Variants in POLA1 observed in about 807,000 individuals in gnomAD.
POLA1 encodes the protein DNA polymerase alpha catalytic subunit.
In POLA1, 15 loss-of-function variants were observed where a neutral mutation model predicts 124.0. The ratio of observed to expected loss-of-function variants is 0.12; its 90% CI spans 0.08 to 0.19. The LOEUF (loss-of-function observed/expected upper bound fraction) is 0.19, where lower values mean the gene tolerates loss of function less well. POLA1 is among the 10% of genes least tolerant of loss of function. The pLI is 1.00. For missense variants in POLA1, 886 were observed against 1,103.4 expected (o/e 0.80, Z 2.79); for synonymous variants, 408 against 389.4 (o/e 1.05, Z -0.56).
At chrX:24,965,217 C>T (rs2048208910) in intron 36 of POLA1, among the ~76,000 whole-genome samples, 1 of 111,988 alleles carries the variant, frequency 8.9e-6, no homozygotes, top group Admixed American at 9.5e-5. Flanking sequence ...AAACTAAAAG[C>T]CTACCAGATG....
intron 32 of POLA1, among the ~76,000 whole-genome samples, chrX:24,837,121 C>G (rs746338236): frequency 6.3e-5 from 7 of 111,300 alleles, no homozygotes; most frequent in Non-Finnish European, 9.4e-5. Flanking sequence ...ATTTGGCATG[C>G]TTTTTAAGAG....
intron 36 of POLA1, among the ~76,000 whole-genome samples, chrX:24,951,214 C>T (rs2048035579): frequency 1.1e-5 from 1 of 95,190 alleles, no homozygotes. Context: ...TTGGCTGTCC[C>T]CTTCCTCACT....
intron 36 of POLA1, among the ~76,000 whole-genome samples, chrX:24,959,062 T>G (rs1030614425): frequency 1.8e-5 from 2 of 111,605 alleles, no homozygotes; most frequent in Non-Finnish European, 3.8e-5. Context: ...ACTAGCTGTT[T>G]CTTTTACCCT....
intron 24 of POLA1, among the ~76,000 whole-genome samples, chrX:24,747,649 T>G: frequency 9.0e-6 from 1 of 111,228 alleles, no homozygotes; most frequent in Middle Eastern, 4.6e-3. Context: ...TCTGTCTTAG[T>G]GTTTGTATTT....
intron 35 of POLA1, among the ~76,000 whole-genome samples, chrX:24,925,409 T>C (rs922427673): frequency 1.8e-5 from 2 of 112,057 alleles, no homozygotes; most frequent in Non-Finnish European, 3.8e-5. Context: ...TCTTCATACC[T>C]CAAGGAATTT....
intron 35 of POLA1, among the ~76,000 whole-genome samples, chrX:24,892,269 CG>C (rs2047151248): frequency 9.0e-6 from 1 of 110,586 alleles, no homozygotes; most frequent in Non-Finnish European, 1.9e-5. Flanking sequence ...CATTTAAATA[CG>C]AGAGTGAAAA....
At chrX:24,995,181 G>C (rs2048588687) in intron 36 of POLA1, among the ~76,000 whole-genome samples, 1 of 112,001 alleles carries the variant, frequency 8.9e-6, no homozygotes, top group African/African-American at 3.2e-5. Flanking sequence ...GGGATGAATG[G>C]GTTAAAGGAG....
In POLA1 at chrX:24,937,034, A is replaced by G. The variant is rs977908149; in HGVS notation, c.4261+6485A>G. The stretch of plus-strand genomic sequence containing the variant: ...AACTGTAAACTGCATTTTTAATTTC[A>G]TTTTCTTACAAATAAAAAAATGATC... On this transcript the variant is annotated intron_variant, in intron 36 of 36. Coordinates refer to ENST00000379068, the MANE Select transcript of POLA1 (RefSeq NM_001330360.2). 9.8e-5 allele frequency among the ~76,000 whole-genome samples: 11 copies of G among 111,780 alleles called. No homozygotes were observed. In the Admixed American group the frequency reaches 1.0e-3, roughly 11 times the overall value.
intron 34 of POLA1, among the ~76,000 whole-genome samples, chrX:24,880,983 A>T (rs1045370885): frequency 8.9e-6 from 1 of 112,013 alleles, no homozygotes; most frequent in African/African-American, 3.2e-5. Context: ...AATTTAAACT[A>T]AATCGTACGT....
chrX:24,892,394 C>T (rs189548412), intron 35 of POLA1, among the ~76,000 whole-genome samples: 4 of 111,351 alleles, frequency 3.6e-5, no homozygotes. Context: ...TACACGTACC[C>T]TCTGAATCTA....
chrX:24,814,898 C>G, intron 29 of POLA1, 81 bp from the exon 30 acceptor site: 5,517 of 671,970 alleles, frequency 8.2e-3, no homozygotes, highest in Non-Finnish European at 0.01. Flanking sequence ...TGGCATTTCT[C>G]TTCCTTCTTC....
rs192170393 is a variant in POLA1 at position 24,748,268 on chromosome X, C to T, written c.2692-43C>T. On this transcript the variant is annotated intron_variant, in intron 24 of 36. Transcript: ENST00000379068. ...AAAATATTACTGTAGAAATTTATTTCGCAAAAGTTTGATTTGTGTGAAATT... is the reference window on the plus strand; with the variant it reads ...AAAATATTACTGTAGAAATTTATTTTGCAAAAGTTTGATTTGTGTGAAATT... 27 of 1,060,418 alleles carry T rather than the reference C, an allele frequency of 2.5e-5. No individual in the cohort carries two copies. The Admixed American group carries it at 4.7e-4, about 19-fold the overall frequency. 87.4% of individuals were successfully genotyped at this position (1,060,418 alleles called of 1,213,427 possible). A position where few individuals can be genotyped will look rare whatever the true frequency, so the allele number is the denominator to read the frequency against.
intron 1 of POLA1, among the ~76,000 whole-genome samples, chrX:24,697,864 T>C (rs975993141): frequency 7.2e-5 from 8 of 111,445 alleles, no homozygotes; most frequent in African/African-American, 2.6e-4. Context: ...CCTAAACTCG[T>C]AGTTGACAGG....
At chrX:24,968,543 CA>C (rs892455419) in intron 36 of POLA1, among the ~76,000 whole-genome samples, 1 of 109,372 alleles carries the variant, frequency 9.1e-6, no homozygotes, top group Non-Finnish European at 1.9e-5. Flanking sequence ...ACTAAAAATA[CA>C]AAAAATTAGC....
intron 36 of POLA1, among the ~76,000 whole-genome samples, chrX:24,955,969 C>T (rs1333055846): frequency 8.9e-6 from 1 of 111,966 alleles, no homozygotes; most frequent in East Asian, 2.8e-4. Flanking sequence ...CCTCTCTTCT[C>T]TATCGGAGGA....
intron 35 of POLA1, among the ~76,000 whole-genome samples, chrX:24,913,850 A>C: frequency 1.8e-5 from 2 of 110,158 alleles, no homozygotes; most frequent in South Asian, 8.0e-4. Flanking sequence ...CAACATAGCA[A>C]AACCCCATCT....
intron 20 of POLA1, among the ~76,000 whole-genome samples, chrX:24,740,684 T>C (rs1931580680): frequency 1.8e-5 from 2 of 111,523 alleles, no homozygotes; most frequent in African/African-American, 3.3e-5. Flanking sequence ...TTGGCCTCTT[T>C]CCTAGTCCTG....
chrX:24,924,029 G>A (rs1424213384), intron 35 of POLA1, among the ~76,000 whole-genome samples: 1 of 112,038 alleles, frequency 8.9e-6, no homozygotes. Flanking sequence ...TGTAGAAATA[G>A]CAGTTTTTAA....
intron 35 of POLA1, among the ~76,000 whole-genome samples, chrX:24,893,863 C>G: frequency 9.0e-6 from 1 of 111,430 alleles, no homozygotes; most frequent in Non-Finnish European, 1.9e-5. Flanking sequence ...ACAGGTCTTA[C>G]ATTTGGCCTG....
Sources: gnomAD v4.1 joint callset for allele counts (sites outside exome capture counted in the v4.1 genomes callset) on GRCh38, gnomAD v4.1.1 for gene constraint, MANE v1.5 for transcripts, NCBI Gene and HGNC (gene_info 2026-07-23, HGNC 2026-07-21) for gene names.